The following CALN1 variants were observed in gnomAD, a reference collection of about 807,000 sequenced individuals.
The protein encoded by CALN1 is calcium-binding protein 8.
In CALN1, 17 loss-of-function variants were observed where a neutral mutation model predicts 30.6. That is an observed-to-expected ratio of 0.56 (90% CI 0.38 to 0.83). CALN1 has a LOEUF of 0.83. CALN1 is among the 40% of genes least tolerant of loss of function. CALN1 has a pLI of 0.00. For synonymous variants in CALN1, 156 were observed against 131.4 expected, an observed-to-expected ratio of 1.19 and a Z score of -1.28; for missense variants, 291 against 354.9, an observed-to-expected ratio of 0.82 and a Z score of 1.45.
At chr7:71,892,400 G>A (rs1328104551) in intron 5 of CALN1, among the ~76,000 whole-genome samples, 2 of 152,158 alleles carry the variant, frequency 1.3e-5, no homozygotes, top group Non-Finnish European at 2.9e-5. Context: ...ACTTTGGGAG[G>A]CCGAGGTGGG....
intron 3 of CALN1, among the ~76,000 whole-genome samples, chr7:72,126,603 C>A (rs529107416): frequency 3.9e-5 from 6 of 152,094 alleles, no homozygotes; most frequent in African/African-American, 1.4e-4. Flanking sequence ...TTACCCCTCA[C>A]CCCTTTCCCC....
chr7:72,190,124 G>A lies in CALN1; in HGVS notation c.245-83830C>T, dbSNP rs189417616. Among the ~76,000 whole-genome samples the A allele has an allele frequency of 5.9e-5, 9 of 152,324 alleles. No homozygotes were observed. The East Asian group carries it at 1.5e-3, about 26-fold the overall frequency. ...TAATCCCAGCATTTTGGGAGGCCGA[G>A]GTGGGCAGATCACCTAAGGTCAGGA... On this transcript the variant is annotated intron_variant, in intron 3 of 6. Transcript: ENST00000395275.
intron 3 of CALN1, among the ~76,000 whole-genome samples, chr7:72,119,043 C>T (rs112229761): frequency 3.9e-5 from 6 of 152,212 alleles, no homozygotes; most frequent in African/African-American, 1.2e-4. Flanking sequence ...TAAGAATAGA[C>T]ATCAAAATAT....
intron 5 of CALN1, among the ~76,000 whole-genome samples, chr7:71,870,124 T>A (rs1311917909): frequency 6.6e-6 from 1 of 152,228 alleles, no homozygotes; most frequent in Non-Finnish European, 1.5e-5. Flanking sequence ...GGCTCACGCC[T>A]GTAATCCCAG....
At chr7:71,829,279 T>C (rs949412183) in intron 5 of CALN1, among the ~76,000 whole-genome samples, 1 of 152,114 alleles carries the variant, frequency 6.6e-6, no homozygotes, top group African/African-American at 2.4e-5. Flanking sequence ...GAAAAGGCCC[T>C]GTGGGGAAGG....
chr7:72,146,757 G>A (rs1045111339), intron 3 of CALN1, among the ~76,000 whole-genome samples: 5 of 152,102 alleles, frequency 3.3e-5, no homozygotes, highest in Non-Finnish European at 5.9e-5. Context: ...CATGGTACTG[G>A]TACCAAAACA....
At chr7:71,957,441 A>T (rs556905677) in intron 5 of CALN1, among the ~76,000 whole-genome samples, 1 of 152,294 alleles carries the variant, frequency 6.6e-6, no homozygotes, top group Non-Finnish European at 1.5e-5. Flanking sequence ...CTCAGAGATG[A>T]AATATTTCAC....
intron 2 of CALN1, among the ~76,000 whole-genome samples, chr7:72,297,283 A>G (rs1233280842): frequency 2.6e-5 from 4 of 152,180 alleles, no homozygotes; most frequent in African/African-American, 9.6e-5. Context: ...TTCTTAGTTA[A>G]AAAATAACAA....
At chr7:72,124,469 G>T (rs574379300) in intron 3 of CALN1, among the ~76,000 whole-genome samples, 1 of 151,946 alleles carries the variant, frequency 6.6e-6, no homozygotes, top group South Asian at 2.1e-4. Flanking sequence ...GCCAGAACCC[G>T]TTTCTATAAA....
intron 5 of CALN1, among the ~76,000 whole-genome samples, chr7:71,976,186 C>T (rs144907733): frequency 1.3e-5 from 2 of 152,070 alleles, no homozygotes; most frequent in African/African-American, 4.8e-5. Flanking sequence ...AGAGGATACA[C>T]TGATGTAAAA....
chr7:72,047,309 G>A (rs966325003), intron 4 of CALN1, among the ~76,000 whole-genome samples: 1 of 152,156 alleles, frequency 6.6e-6, no homozygotes, highest in Non-Finnish European at 1.5e-5. Flanking sequence ...GCTGAAACAG[G>A]AACGGAAGGA....
At chr7:71,801,668 A>G (rs1458325985) in intron 6 of CALN1, among the ~76,000 whole-genome samples, 2 of 152,084 alleles carry the variant, frequency 1.3e-5, no homozygotes, top group African/African-American at 4.8e-5. Flanking sequence ...AAGTAATTGC[A>G]GTTTTTGCTG....
chr7:72,076,613 A>G (rs1804752499), intron 4 of CALN1, among the ~76,000 whole-genome samples: 1 of 77,274 alleles, frequency 1.3e-5, no homozygotes, highest in African/African-American at 5.8e-5. Context: ...AAAAAAAGCA[A>G]AAAAAAAAAA....
At chr7:71,864,877 C>T (rs1157042289) in intron 5 of CALN1, among the ~76,000 whole-genome samples, 3 of 152,016 alleles carry the variant, frequency 2.0e-5, no homozygotes. Context: ...TGGAACACAC[C>T]TGGTAGTACT....
At chr7:71,810,130 A>C (rs978381138) in intron 6 of CALN1, among the ~76,000 whole-genome samples, 1 of 152,132 alleles carries the variant, frequency 6.6e-6, no homozygotes, top group African/African-American at 2.4e-5. Context: ...TTCTGCAAAA[A>C]ATGCAGAATT....
At chr7:72,200,926 CT>C (rs1409254164) in intron 3 of CALN1, among the ~76,000 whole-genome samples, 1 of 152,188 alleles carries the variant, frequency 6.6e-6, no homozygotes, top group Non-Finnish European at 1.5e-5. Context: ...AATCTCATTA[CT>C]GGGATATACC....
chr7:71,899,496 T>C (rs1429572820), intron 5 of CALN1, among the ~76,000 whole-genome samples: 1 of 152,058 alleles, frequency 6.6e-6, no homozygotes, highest in Non-Finnish European at 1.5e-5. Flanking sequence ...TATGGGATGC[T>C]TATGAAAAAC....
chr7:71,785,566 G>C lies in CALN1; in HGVS notation c.*2209C>G, dbSNP rs2115802258. The C allele has an allele frequency of 6.6e-6, 1 of 152,296 alleles. No homozygotes were observed. Among genetic ancestry groups the C allele is most frequent in the South Asian group, 2.1e-4 (1 of 4,824 alleles). The allele number at this position is 152,296 out of a possible 1,614,324, so 9.4% of individuals were successfully genotyped here. A position where few individuals can be genotyped will look rare whatever the true frequency, so the allele number is the denominator to read the frequency against. On this transcript the variant is annotated 3_prime_UTR_variant, in exon 7 of 7. Coordinates refer to ENST00000395275, the MANE Select transcript of CALN1 (RefSeq NM_031468.4). ...GAATCATCCCTGGGGTTTCTACCCAGTCTACTTAGGGTCCTGCACCCCTAT... is the reference window on the plus strand; with the variant it reads ...GAATCATCCCTGGGGTTTCTACCCACTCTACTTAGGGTCCTGCACCCCTAT...
chr7:71,804,484 G>T (rs754042864), intron 6 of CALN1, among the ~76,000 whole-genome samples: 15 of 152,030 alleles, frequency 9.9e-5, no homozygotes, highest in Non-Finnish European at 1.9e-4. Context: ...TTCCAGCCTG[G>T]GTGACACAGC....
Sources: gnomAD v4.1 joint callset for allele counts (sites outside exome capture counted in the v4.1 genomes callset) on GRCh38, gnomAD v4.1.1 for gene constraint, MANE v1.5 for transcripts, NCBI Gene and HGNC (gene_info 2026-07-23, HGNC 2026-07-21) for gene names.